SNTB2: variants seen among roughly 807,000 people sequenced by gnomAD.
The protein encoded by SNTB2 is beta-2-syntrophin.
In SNTB2, 34 loss-of-function variants were observed where a neutral mutation model predicts 46.2. That is an observed-to-expected ratio of 0.74 (90% CI 0.56 to 0.98). SNTB2 has a LOEUF of 0.98. Among genes scored for constraint, SNTB2 ranks in the 50% least tolerant of loss-of-function variants. The pLI is 0.00. For missense variants in SNTB2, 603 were observed against 731.4 expected (o/e 0.82, Z 2.02); for synonymous variants, 290 against 312.6 (o/e 0.93, Z 0.76).
chr16:69,216,688 C>A (rs951573091), intron 1 of SNTB2, among the ~76,000 whole-genome samples: 1 of 151,646 alleles, frequency 6.6e-6, no homozygotes, highest in African/African-American at 2.4e-5. Flanking sequence ...ACCCTGCCCC[C>A]CCCCCAAAAA....
chr16:69,204,020 G>A (rs906570155), intron 1 of SNTB2, among the ~76,000 whole-genome samples: 1 of 152,112 alleles, frequency 6.6e-6, no homozygotes, highest in African/African-American at 2.4e-5. Flanking sequence ...AGCCTCCCAA[G>A]GAGCTGGAAT....
intron 1 of SNTB2, among the ~76,000 whole-genome samples, chr16:69,212,911 G>A (rs925826482): frequency 6.6e-6 from 1 of 152,234 alleles, no homozygotes; most frequent in Non-Finnish European, 1.5e-5. Context: ...GGGATTACAG[G>A]CGTGAGCCAC....
intron 2 of SNTB2, among the ~76,000 whole-genome samples, chr16:69,255,242 T>G (rs1964761936): frequency 6.6e-6 from 1 of 151,762 alleles, no homozygotes. Context: ...GGACTGCAGA[T>G]GTATGTCACC....
rs548898750 is a variant in SNTB2 at position 69,247,687 on chromosome 16, A to G, written c.794+1872A>G. On this transcript the variant is annotated intron_variant, in intron 2 of 6. Coordinates refer to ENST00000336278, the MANE Select transcript of SNTB2 (RefSeq NM_006750.4). ...GTTCTGAGCAAGTCCCTTCACTTCC[A>G]TACACCACCATGTCATCATCTTTAA... Among the ~76,000 whole-genome samples the G allele has an allele frequency of 7.2e-5, 11 of 152,316 alleles. No individual in the cohort carries two copies. In the South Asian group the frequency reaches 2.1e-3, roughly 29 times the overall value.
intron 1 of SNTB2, among the ~76,000 whole-genome samples, chr16:69,223,207 T>TTTTTG: frequency 6.6e-6 from 1 of 151,702 alleles, no homozygotes; most frequent in Non-Finnish European, 1.5e-5. Flanking sequence ...TTTTTTTTTT[T>TTTTTG]TTGATACAGA....
intron 3 of SNTB2, among the ~76,000 whole-genome samples, chr16:69,264,030 C>T (rs1343476886): frequency 1.3e-5 from 2 of 151,842 alleles, no homozygotes; most frequent in Non-Finnish European, 2.9e-5. Flanking sequence ...AATTCCTGGG[C>T]TCAAGCGTTC....
At position 69,295,850 on chromosome 16, in the gene SNTB2, C is replaced by A. The variant is rs1008046844; in HGVS notation, c.1346-3740C>A. ...TCCTAAAAGGGTAAGGGGTGTCAGG[C>A]ACTTAATCATCATTGCATCACTGTG... On this transcript the variant is annotated intron_variant, in intron 5 of 6. Transcript: ENST00000336278. 3.9e-5 allele frequency among the ~76,000 whole-genome samples: 6 copies of A among 152,128 alleles called. No individual in the cohort carries two copies. The East Asian group carries it at 1.2e-3, about 29-fold the overall frequency.
intron 1 of SNTB2, among the ~76,000 whole-genome samples, chr16:69,197,176 C>T (rs534977759): frequency 6.6e-6 from 1 of 152,304 alleles, no homozygotes; most frequent in South Asian, 2.1e-4. Flanking sequence ...TACTAATAAA[C>T]TGCACATAAG....
At chr16:69,255,452 C>T (rs1221994279) in intron 2 of SNTB2, among the ~76,000 whole-genome samples, 1 of 151,410 alleles carries the variant, frequency 6.6e-6, no homozygotes, top group Non-Finnish European at 1.5e-5. Context: ...CACAACTACT[C>T]GAGAGGCTGA....
At chr16:69,268,163 A>T (rs1478763501) in intron 3 of SNTB2, among the ~76,000 whole-genome samples, 1 of 152,180 alleles carries the variant, frequency 6.6e-6, no homozygotes, top group Non-Finnish European at 1.5e-5. Context: ...GCTGAAACAT[A>T]AACTTCTAAA....
chr16:69,257,628 A>G (rs977421387), intron 2 of SNTB2, among the ~76,000 whole-genome samples: 3 of 151,752 alleles, frequency 2.0e-5, no homozygotes, highest in African/African-American at 4.8e-5. Flanking sequence ...TGTGTTTTTA[A>G]TAGAGACGGG....
At chr16:69,298,522 T>G (rs1965248221) in intron 5 of SNTB2, among the ~76,000 whole-genome samples, 2 of 137,248 alleles carry the variant, frequency 1.5e-5, no homozygotes, top group Admixed American at 7.3e-5. Flanking sequence ...CTTTTTTTTT[T>G]TTTTTTTTTT....
chr16:69,190,687 C>A (rs1208353218), intron 1 of SNTB2, among the ~76,000 whole-genome samples: 1 of 152,088 alleles, frequency 6.6e-6, no homozygotes, highest in Non-Finnish European at 1.5e-5. Context: ...CCAGTAAAGA[C>A]ACAGAAGTGC....
chr16:69,212,953 TA>T (rs1964304577), intron 1 of SNTB2, among the ~76,000 whole-genome samples: 1 of 152,220 alleles, frequency 6.6e-6, no homozygotes. Context: ...TTTTACTTTG[TA>T]TATTTTGTAT....
At chr16:69,211,596 A>G (rs1005112879) in intron 1 of SNTB2, among the ~76,000 whole-genome samples, 1 of 151,620 alleles carries the variant, frequency 6.6e-6, no homozygotes, top group Admixed American at 6.6e-5. Flanking sequence ...AATATTTCCT[A>G]TGTGCCTTCT....
chr16:69,300,723 A>G (rs1309429627), intron 6 of SNTB2, 109 bp from the exon 7 acceptor site: 5 of 755,848 alleles, frequency 6.6e-6, no homozygotes, highest in Non-Finnish European at 1.2e-5. Flanking sequence ...AAGAGTTTCC[A>G]TAGCTCTGGC....
chr16:69,206,029 T>C (rs1479065508), intron 1 of SNTB2, among the ~76,000 whole-genome samples: 1 of 152,158 alleles, frequency 6.6e-6, no homozygotes, highest in Non-Finnish European at 1.5e-5. Flanking sequence ...TGGGCCTTGC[T>C]CTGTCTACCC....
chr16:69,272,818 A>T (rs764326279), intron 4 of SNTB2, among the ~76,000 whole-genome samples: 2 of 148,656 alleles, frequency 1.3e-5, no homozygotes, highest in Non-Finnish European at 3.0e-5. Flanking sequence ...TTGAACCCAG[A>T]GATGGAGGTT....
intron 1 of SNTB2, chr16:69,235,817 A>G: frequency 2.3e-6 from 3 of 1,289,320 alleles, no homozygotes; most frequent in Non-Finnish European, 3.0e-6. Context: ...AGTTTCTTCA[A>G]ATATCCTGGA....
Sources: gnomAD v4.1 joint callset for allele counts (sites outside exome capture counted in the v4.1 genomes callset) on GRCh38, gnomAD v4.1.1 for gene constraint, MANE v1.5 for transcripts, NCBI Gene and HGNC (gene_info 2026-07-23, HGNC 2026-07-21) for gene names.